The following NAV3 variants were observed in gnomAD, a reference collection of about 807,000 sequenced individuals.
NAV3 encodes the protein pore membrane and/or filament interacting like protein 1.
NAV3 carries 87 observed loss-of-function variants against 244.7 expected under a neutral mutation model. That is an observed-to-expected ratio of 0.36 (90% CI 0.30 to 0.42). The LOEUF (loss-of-function observed/expected upper bound fraction) is 0.42. Among genes scored for constraint, NAV3 ranks in the 20% least tolerant of loss-of-function variants. NAV3 has a pLI of 1.00. For missense variants in NAV3, 2,663 were observed against 2,893.3 expected (o/e 0.92, Z 1.83); for synonymous variants, 1,126 against 1,042.2 (o/e 1.08, Z -1.55).
At chr12:78,000,800 G>A (rs906254724) in intron 7 of NAV3, among the ~76,000 whole-genome samples, 3 of 150,806 alleles carry the variant, frequency 2.0e-5, no homozygotes, top group Non-Finnish European at 3.0e-5. Flanking sequence ...ACCGCGCCCG[G>A]CCAAAACATT....
intron 2 of NAV3, among the ~76,000 whole-genome samples, chr12:77,634,717 T>C (rs11106053): frequency 0.1 from 15,824 of 152,158 alleles, 1,886 homozygotes; most frequent in African/African-American, 0.29. Flanking sequence ...TCTAGTCTTA[T>C]GTATTAAAAA....
At chr12:77,777,950 T>A (rs894398412) in intron 2 of NAV3, among the ~76,000 whole-genome samples, 2 of 151,890 alleles carry the variant, frequency 1.3e-5, no homozygotes, top group Non-Finnish European at 2.9e-5. Flanking sequence ...GGACTACAGG[T>A]ACGCACCACA....
chr12:78,025,434 A>G (rs908574509), intron 9 of NAV3, among the ~76,000 whole-genome samples: 39 of 151,746 alleles, frequency 2.6e-4, no homozygotes, highest in African/African-American at 7.3e-4. Context: ...CATCTTTACT[A>G]AAAGTACAAA....
intron 2 of NAV3, among the ~76,000 whole-genome samples, chr12:77,739,536 TTAA>T (rs1868289845): frequency 6.6e-6 from 1 of 152,152 alleles, no homozygotes; most frequent in Non-Finnish European, 1.5e-5. Flanking sequence ...TGACTGAACA[TTAA>T]TGTCATATCA....
intron 39 of NAV3, among the ~76,000 whole-genome samples, chr12:78,206,302 AC>A (rs1385490394): frequency 6.6e-6 from 1 of 152,168 alleles, no homozygotes; most frequent in East Asian, 1.9e-4. Context: ...TTAGGAATCA[AC>A]AGTGCTGATG....
At chr12:77,734,769 T>C (rs1877268877) in intron 2 of NAV3, among the ~76,000 whole-genome samples, 1 of 152,162 alleles carries the variant, frequency 6.6e-6, no homozygotes, top group Non-Finnish European at 1.5e-5. Flanking sequence ...CAAATTACTA[T>C]TAAAAATATT....
intron 12 of NAV3, among the ~76,000 whole-genome samples, chr12:78,097,316 A>G (rs964136400): frequency 2.6e-5 from 4 of 152,178 alleles, no homozygotes; most frequent in African/African-American, 9.7e-5. Flanking sequence ...TGCTTGCAAT[A>G]TAAGGAGACA....
intron 6 of NAV3, among the ~76,000 whole-genome samples, chr12:77,995,376 C>T (rs1467859594): frequency 3.3e-5 from 5 of 152,054 alleles, no homozygotes; most frequent in Admixed American, 6.6e-5. Context: ...ATAATAAAGA[C>T]AGCCTGTTAT....
In NAV3 at chr12:77,774,819, A is replaced by G. The variant is rs113561570; in HGVS notation, c.73-165500A>G. Among the ~76,000 whole-genome samples the G allele has an allele frequency of 1.5e-3, 232 of 152,332 alleles. 1 individual carries two copies. Among genetic ancestry groups the G allele is most frequent in the African/African-American group, 5.4e-3 (225 of 41,582 alleles). Reference sequence around the variant, plus strand: ...GTTATTCTAATCTCTCTTAAAATACAGTTTTTTGAATTGTAATTGTACTGT... The same window carrying G: ...GTTATTCTAATCTCTCTTAAAATACGGTTTTTTGAATTGTAATTGTACTGT... On this transcript the variant is annotated intron_variant, in intron 2 of 8. Coordinates refer to the NAV3 transcript ENST00000550042.
At chr12:78,146,852 G>A (rs74107130) in intron 21 of NAV3, among the ~76,000 whole-genome samples, 224 of 152,054 alleles carry the variant, frequency 1.5e-3, no homozygotes, top group African/African-American at 4.7e-3. Context: ...TTTTATGTGT[G>A]GTGTGTCACC....
At chr12:77,952,081 A>AC (rs1293651050) in intron 3 of NAV3, among the ~76,000 whole-genome samples, 4 of 151,286 alleles carry the variant, frequency 2.6e-5, no homozygotes, top group Non-Finnish European at 5.9e-5. Context: ...AAAAAAAAAA[A>AC]AAACAGGTTG....
intron 2 of NAV3, among the ~76,000 whole-genome samples, chr12:77,681,833 A>C (rs1874484320): frequency 6.6e-6 from 1 of 152,206 alleles, no homozygotes; most frequent in Non-Finnish European, 1.5e-5. Context: ...TTCTGGCTTT[A>C]TAGAATGTTA....
intron 2 of NAV3, among the ~76,000 whole-genome samples, chr12:77,574,913 C>G (rs1176638574): frequency 6.6e-6 from 1 of 151,822 alleles, no homozygotes; most frequent in Non-Finnish European, 1.5e-5. Flanking sequence ...TATCATATGT[C>G]AGGAACATGC....
chr12:77,929,390 T>G (rs1375979368), intron 1 of NAV3, among the ~76,000 whole-genome samples: 1 of 152,184 alleles, frequency 6.6e-6, no homozygotes, highest in Non-Finnish European at 1.5e-5. Flanking sequence ...GGACATGTCA[T>G]TGACCCTATA....
At chr12:77,706,494 G>A (rs543792655) in intron 2 of NAV3, among the ~76,000 whole-genome samples, 1 of 151,452 alleles carries the variant, frequency 6.6e-6, no homozygotes, top group South Asian at 2.1e-4. Flanking sequence ...ATGTCTGCCA[G>A]TTGGTAAGTT....
At chr12:77,966,166 G>A (rs1892494951) in intron 3 of NAV3, 63 bp from the exon 4 acceptor site, 4 of 1,314,906 alleles carry the variant, frequency 3.0e-6, no homozygotes, top group Non-Finnish European at 4.4e-6. Context: ...GTTTCATTTT[G>A]GCACATGTAT....
At chr12:78,011,469 C>A (rs756576721) in intron 8 of NAV3, among the ~76,000 whole-genome samples, 1 of 151,934 alleles carries the variant, frequency 6.6e-6, no homozygotes, top group Admixed American at 6.6e-5. Flanking sequence ...GGGTTTTTTA[C>A]AAATCTGGCA....
intron 3 of NAV3, among the ~76,000 whole-genome samples, chr12:77,959,293 C>T (rs565438438): frequency 1.3e-5 from 2 of 152,030 alleles, no homozygotes; most frequent in African/African-American, 4.8e-5. Flanking sequence ...AAAAGATCCT[C>T]GGTTAATTCT....
chr12:78,135,782 T>C (rs2138990188), intron 18 of NAV3, among the ~76,000 whole-genome samples: 1 of 152,304 alleles, frequency 6.6e-6, no homozygotes, highest in South Asian at 2.1e-4. Context: ...AGGAATATGC[T>C]TGAAAGATAG....
Sources: gnomAD v4.1 joint callset for allele counts (sites outside exome capture counted in the v4.1 genomes callset) on GRCh38, gnomAD v4.1.1 for gene constraint, MANE v1.5 for transcripts, NCBI Gene and HGNC (gene_info 2026-07-23, HGNC 2026-07-21) for gene names.